The following RBFOX1 variants were observed in gnomAD, a reference collection of about 807,000 sequenced individuals.
RBFOX1 encodes the protein RNA binding protein fox-1 homolog 1.
In RBFOX1, 8 loss-of-function variants were observed where a neutral mutation model predicts 57.7. The ratio of observed to expected loss-of-function variants is 0.14; its 90% CI spans 0.08 to 0.25. RBFOX1 has a LOEUF of 0.25. RBFOX1 is among the 10% of genes least tolerant of loss of function. The pLI is 1.00. For missense variants in RBFOX1, 611 were observed against 548.5 expected (o/e 1.11, Z -1.14); for synonymous variants, 326 against 222.4 (o/e 1.47, Z -4.15).
In RBFOX1 at chr16:5,946,660, G is replaced by A. The variant is rs758065955; in HGVS notation, c.351+79325G>A. Among the ~76,000 whole-genome samples, 12 of 152,286 alleles carry A rather than the reference G, an allele frequency of 7.9e-5. No individual in the cohort carries two copies. Among genetic ancestry groups the A allele is most frequent in the Non-Finnish European group, 1.3e-4 (9 of 68,034 alleles). On this transcript the variant is annotated intron_variant, in intron 4 of 19. Transcript: ENST00000641259. The surrounding 1 kb of genome is among the most constrained non-coding windows in gnomAD (Gnocchi z 4.6). Reference sequence around the variant, plus strand: ...CTAGGCAACTATTGAACCAGAGAAGGGGGTTATGAGAATCTCTGATTTATA... The same window carrying A: ...CTAGGCAACTATTGAACCAGAGAAGAGGGTTATGAGAATCTCTGATTTATA...
chr16:7,516,379 T>C (rs1412142584), intron 4 of RBFOX1, among the ~76,000 whole-genome samples: 1 of 151,988 alleles, frequency 6.6e-6, no homozygotes, highest in Non-Finnish European at 1.5e-5. Flanking sequence ...CTATGGCTCA[T>C]CTCGTAGCGA....
chr16:7,091,776 G>T (rs1420209538), intron 4 of RBFOX1, among the ~76,000 whole-genome samples: 1 of 152,138 alleles, frequency 6.6e-6, no homozygotes, highest in African/African-American at 2.4e-5. Context: ...AGCTTTTTCT[G>T]ATCTGTACTC....
intron 1 of RBFOX1, among the ~76,000 whole-genome samples, chr16:6,056,587 A>C (rs2095617444): frequency 6.6e-6 from 1 of 152,176 alleles, no homozygotes; most frequent in African/African-American, 2.4e-5. Context: ...TCCTCTGCTT[A>C]CTTCCTAATT....
intron 3 of RBFOX1, among the ~76,000 whole-genome samples, chr16:6,931,331 A>ACC (rs1555640190): frequency 4.7e-5 from 4 of 85,608 alleles, no homozygotes; most frequent in African/African-American, 1.7e-4. Context: ...CTATCTATCT[A>ACC]TCTATCTCTA....
chr16:7,430,954 C>T (rs185006210), intron 4 of RBFOX1, among the ~76,000 whole-genome samples: 1 of 152,168 alleles, frequency 6.6e-6, no homozygotes, highest in Non-Finnish European at 1.5e-5. Flanking sequence ...TTCTTAGACT[C>T]AGAAAAATAG....
intron 4 of RBFOX1, among the ~76,000 whole-genome samples, chr16:7,105,333 G>GT (rs2063389042): frequency 4.3e-5 from 6 of 139,446 alleles, no homozygotes; most frequent in Non-Finnish European, 9.3e-5. Context: ...TTTTTTCTTA[G>GT]TTTTTTATTT....
chr16:5,249,743 C>T (rs1324703183), intron 1 of RBFOX1, among the ~76,000 whole-genome samples: 6 of 152,168 alleles, frequency 3.9e-5, no homozygotes, highest in African/African-American at 1.2e-4. Flanking sequence ...TCAAGGTGGG[C>T]GGGCCAGGAA....
chr16:7,184,149 G>T (rs913260162), intron 4 of RBFOX1, among the ~76,000 whole-genome samples: 17 of 152,168 alleles, frequency 1.1e-4, no homozygotes, highest in Admixed American at 1.1e-3. Flanking sequence ...TGTATTTGAA[G>T]ATCATAAAAA....
intron 3 of RBFOX1, among the ~76,000 whole-genome samples, chr16:6,984,231 G>C (rs996324467): frequency 1.3e-5 from 2 of 152,114 alleles, no homozygotes; most frequent in South Asian, 2.1e-4. Context: ...TACGCAACAA[G>C]AGTAAAACTC....
intron 1 of RBFOX1, among the ~76,000 whole-genome samples, chr16:6,210,893 A>T (rs1282843484): frequency 6.6e-6 from 1 of 152,158 alleles, no homozygotes; most frequent in Non-Finnish European, 1.5e-5. Context: ...AGCTGATACC[A>T]CTTTCTCTTA....
chr16:7,139,872 C>T lies in RBFOX1; in HGVS notation c.27+87774C>T, dbSNP rs138341143. On this transcript the variant is annotated intron_variant, in intron 4 of 15. Coordinates refer to ENST00000550418, the MANE Select transcript of RBFOX1 (RefSeq NM_018723.4). ...AGGAATTGAGGAGGAAGCTAAGACCCTTAGGATGGGGTGAGCTTGTAAAAT... is the reference window on the plus strand; with the variant it reads ...AGGAATTGAGGAGGAAGCTAAGACCTTTAGGATGGGGTGAGCTTGTAAAAT... Among the ~76,000 whole-genome samples, 8 of 152,048 alleles carry T rather than the reference C, an allele frequency of 5.3e-5. No individual in the cohort carries two copies. The South Asian group carries it at 1.5e-3, about 28-fold the overall frequency.
rs1320277582 is a variant in RBFOX1, at chr16:6,866,688, C to A, written c.-15-185369C>A. Among the ~76,000 whole-genome samples, 4 of 151,658 alleles carry A rather than the reference C, an allele frequency of 2.6e-5. No individual in the cohort carries two copies. In the East Asian group the frequency reaches 5.8e-4, roughly 22 times the overall value. On this transcript the variant is annotated intron_variant, in intron 3 of 15. Coordinates refer to ENST00000550418, the MANE Select transcript of RBFOX1 (RefSeq NM_018723.4). The stretch of plus-strand genomic sequence containing the variant: ...TTCCGAGTAGCTGGGACTACAGGCG[C>A]CTGCCACCACGCCTGGCTGATTTTT...
chr16:7,571,495 G>C (rs962291955), intron 5 of RBFOX1, among the ~76,000 whole-genome samples: 1 of 152,218 alleles, frequency 6.6e-6, no homozygotes, highest in African/African-American at 2.4e-5. Flanking sequence ...GAGCCCCGTG[G>C]TTCTTTATTA....
intron 4 of RBFOX1, among the ~76,000 whole-genome samples, chr16:7,392,777 C>T (rs1020536225): frequency 6.6e-6 from 1 of 152,148 alleles, no homozygotes; most frequent in African/African-American, 2.4e-5. Flanking sequence ...TGCATAATTA[C>T]TGTAGGGATG....
chr16:6,129,842 A>G (rs554504064), intron 1 of RBFOX1, among the ~76,000 whole-genome samples: 9 of 152,288 alleles, frequency 5.9e-5, no homozygotes, highest in South Asian at 4.1e-4. Flanking sequence ...CTGATTTCTC[A>G]TAGAAACTGT....
intron 13 of RBFOX1, among the ~76,000 whole-genome samples, chr16:7,674,600 T>C (rs1029123713): frequency 6.6e-6 from 1 of 152,218 alleles, no homozygotes; most frequent in Non-Finnish European, 1.5e-5. Flanking sequence ...TATCAGAATA[T>C]TGACGACTTG....
At chr16:6,744,667 T>G (rs890806415) in intron 3 of RBFOX1, among the ~76,000 whole-genome samples, 1 of 152,012 alleles carries the variant, frequency 6.6e-6, no homozygotes, top group East Asian at 1.9e-4. Flanking sequence ...ATAAGACATA[T>G]CAGATTTTGC....
chr16:6,629,429 A>T (rs1352927310), intron 2 of RBFOX1, among the ~76,000 whole-genome samples: 2 of 152,196 alleles, frequency 1.3e-5, no homozygotes, highest in Non-Finnish European at 2.9e-5. Flanking sequence ...GTCAGCCTTG[A>T]TTTATGTTTT....
chr16:6,858,235 A>C (rs1172404940), intron 3 of RBFOX1, among the ~76,000 whole-genome samples: 5 of 152,172 alleles, frequency 3.3e-5, no homozygotes, highest in Admixed American at 3.3e-4. Flanking sequence ...TGGTTTTGAG[A>C]TTTATCTCAA....
Sources: allele counts gnomAD v4.1 joint callset (sites outside exome capture counted in the v4.1 genomes callset), GRCh38; gene constraint gnomAD v4.1.1; non-coding constraint Gnocchi (gnomAD v3.1); transcripts MANE v1.5; gene names NCBI Gene and HGNC (gene_info 2026-07-23, HGNC 2026-07-21).